The following MYO1D variants were observed in gnomAD, a reference collection of about 807,000 sequenced individuals.
The protein encoded by MYO1D is myosin ID, also known as unconventional myosin-Id.
In MYO1D, 83 loss-of-function variants were observed where a neutral mutation model predicts 122.0. That is an observed-to-expected ratio of 0.68 (90% CI 0.57 to 0.82). The LOEUF (loss-of-function observed/expected upper bound fraction) is 0.82. Ranked by LOEUF, MYO1D falls within the 40% of genes least tolerant of loss-of-function variation. MYO1D has a pLI of 0.00. For missense variants in MYO1D, 1,157 were observed against 1,269.5 expected (o/e 0.91, Z 1.35); for synonymous variants, 464 against 446.9 (o/e 1.04, Z -0.48).
In MYO1D at chr17:32,760,196, A is replaced by C. The variant is rs1049659213; in HGVS notation, c.1296+94T>G. 37 of 1,048,260 alleles carry C rather than the reference A, an allele frequency of 3.5e-5. No individual in the cohort carries two copies. The African/African-American group carries it at 3.6e-4, about 10-fold the overall frequency. The allele number at this position is 1,048,260 out of a possible 1,614,324, so 64.9% of individuals were successfully genotyped here. A position where few individuals can be genotyped will look rare whatever the true frequency, so the allele number is the denominator to read the frequency against. ...AAGCTAAGGTTCAGATGTTTCAAATACCCCCAAAAGATCAAGAAATACCTA... is the reference window on the plus strand; with the variant it reads ...AAGCTAAGGTTCAGATGTTTCAAATCCCCCCAAAAGATCAAGAAATACCTA... On this transcript the variant is annotated intron_variant, in intron 10 of 21. Coordinates refer to ENST00000318217, the MANE Select transcript of MYO1D (RefSeq NM_015194.3).
chr17:32,697,432 AC>A (rs1182017134), intron 16 of MYO1D, among the ~76,000 whole-genome samples: 1 of 152,122 alleles, frequency 6.6e-6, no homozygotes, highest in East Asian at 1.9e-4. Context: ...CATATTTTTG[AC>A]CATAAATATT....
intron 21 of MYO1D, among the ~76,000 whole-genome samples, chr17:32,579,789 T>C (rs894685518): frequency 2.6e-5 from 4 of 152,244 alleles, no homozygotes; most frequent in African/African-American, 4.8e-5. Context: ...CAAAATTATT[T>C]TGAAATTCAT....
At chr17:32,761,441 T>C (rs1484302928) in intron 8 of MYO1D, among the ~76,000 whole-genome samples, 1 of 152,204 alleles carries the variant, frequency 6.6e-6, no homozygotes, top group African/African-American at 2.4e-5. Flanking sequence ...AGGTTTTCAC[T>C]GCCTTCTTGG....
intron 13 of MYO1D, among the ~76,000 whole-genome samples, chr17:32,740,347 T>TA (rs1162331932): frequency 3.3e-5 from 5 of 152,222 alleles, no homozygotes; most frequent in Non-Finnish European, 7.3e-5. Context: ...ACTATTCCTG[T>TA]ACTACACTGT....
intron 20 of MYO1D, among the ~76,000 whole-genome samples, chr17:32,624,216 G>GTTTTT (rs3040378): frequency 7.3e-6 from 1 of 137,912 alleles, no homozygotes; most frequent in Non-Finnish European, 1.6e-5. Context: ...TTTTCTTTAA[G>GTTTTT]TTTTTTTTTT....
At chr17:32,644,404 G>T (rs940370731) in intron 19 of MYO1D, among the ~76,000 whole-genome samples, 1 of 152,180 alleles carries the variant, frequency 6.6e-6, no homozygotes, top group African/African-American at 2.4e-5. Context: ...ATTTGGGGTG[G>T]AGAGTTCTGT....
chr17:32,624,251 T>G (rs1422720998), intron 20 of MYO1D, among the ~76,000 whole-genome samples: 1 of 147,906 alleles, frequency 6.8e-6, no homozygotes, highest in Non-Finnish European at 1.5e-5. Flanking sequence ...AGGGTCTTGC[T>G]ATGTTGGCCA....
At chr17:32,572,803 C>T (rs2150896446) in intron 21 of MYO1D, among the ~76,000 whole-genome samples, 1 of 152,112 alleles carries the variant, frequency 6.6e-6, no homozygotes, top group East Asian at 1.9e-4. Context: ...TTGGTGACAT[C>T]TCAGATCTTC....
At chr17:32,632,462 CG>C (rs1354405312) in intron 20 of MYO1D, 1 of 151,812 alleles carries the variant, frequency 6.6e-6, no homozygotes, top group Non-Finnish European at 1.5e-5. Context: ...AGCGGAGTGG[CG>C]GCTGCCGTGT....
At chr17:32,728,142 A>G (rs2089597238) in intron 14 of MYO1D, among the ~76,000 whole-genome samples, 1 of 152,230 alleles carries the variant, frequency 6.6e-6, no homozygotes, top group South Asian at 2.1e-4. Flanking sequence ...GTCAGGAAGA[A>G]AATAGAAAAG....
At chr17:32,699,818 T>C (rs549727636) in intron 16 of MYO1D, among the ~76,000 whole-genome samples, 1 of 152,304 alleles carries the variant, frequency 6.6e-6, no homozygotes, top group South Asian at 2.1e-4. Flanking sequence ...TTTGTGAATA[T>C]TTGCAATTTT....
Position 32,520,102 on chromosome 17 carries a change from CCTTTTT to C in MYO1D, c.2865-25193_2865-25188del, listed in dbSNP as rs779083513. Among the ~76,000 whole-genome samples the C allele has an allele frequency of 5.3e-5, 8 of 152,214 alleles. No individual in the cohort carries two copies. The East Asian group carries it at 7.7e-4, about 15-fold the overall frequency. On this transcript the variant is annotated intron_variant, in intron 21 of 21. Transcript: ENST00000318217. ...CAGAAAAAGAAAATCAATCTGTGCA[CCTTTTT>C]CTTTTTCTTATTCAAAGCCCAAACT...
chr17:32,873,239 G>C (rs2091198794), intron 1 of MYO1D, among the ~76,000 whole-genome samples: 1 of 152,180 alleles, frequency 6.6e-6, no homozygotes, highest in Non-Finnish European at 1.5e-5. Context: ...TATGCTAGGT[G>C]CTGCTGTTGA....
chr17:32,719,022 A>C (rs1391482180), intron 15 of MYO1D, among the ~76,000 whole-genome samples: 1 of 152,222 alleles, frequency 6.6e-6, no homozygotes, highest in African/African-American at 2.4e-5. Context: ...GATGTGTCAA[A>C]GTTAACATAG....
chr17:32,510,584 C>A (rs1909659892), intron 21 of MYO1D: 1 of 152,228 alleles, frequency 6.6e-6, no homozygotes. Flanking sequence ...CTGAGGAGTA[C>A]TCCATGGAGA....
intron 16 of MYO1D, among the ~76,000 whole-genome samples, chr17:32,685,718 TACTAAATA>T (rs1287027392): frequency 6.6e-6 from 1 of 152,250 alleles, no homozygotes; most frequent in South Asian, 2.1e-4. Flanking sequence ...ACTGTCCTAT[TACTAAATA>T]ACTTTGCTTT....
intron 1 of MYO1D, among the ~76,000 whole-genome samples, chr17:32,873,727 ATAAG>A (rs1452333877): frequency 6.6e-6 from 1 of 152,194 alleles, no homozygotes; most frequent in South Asian, 2.1e-4. Flanking sequence ...ATTTTAATGT[ATAAG>A]TAAGTCATGA....
chr17:32,781,190 T>G (rs993570265), intron 1 of MYO1D, among the ~76,000 whole-genome samples: 2 of 152,234 alleles, frequency 1.3e-5, no homozygotes, highest in Non-Finnish European at 2.9e-5. Flanking sequence ...GACTGTCATA[T>G]ACATTTATTT....
At chr17:32,686,556 T>C (rs751860060) in intron 16 of MYO1D, 9 of 152,144 alleles carry the variant, frequency 5.9e-5, no homozygotes, top group African/African-American at 1.9e-4. Flanking sequence ...ACTGTGACAA[T>C]AGTTAACTAT....
Sources: gnomAD v4.1 joint callset for allele counts (sites outside exome capture counted in the v4.1 genomes callset) on GRCh38, gnomAD v4.1.1 for gene constraint, MANE v1.5 for transcripts, NCBI Gene and HGNC (gene_info 2026-07-23, HGNC 2026-07-21) for gene names.